MXD3: variants seen among roughly 807,000 people sequenced by gnomAD.
MXD3 encodes the protein MAX dimerization protein 3.
A neutral mutation model predicts 27.5 loss-of-function variants in MXD3; 20 were observed. The observed-to-expected ratio is 0.73, with a 90% CI of 0.51 to 1.06. The LOEUF (loss-of-function observed/expected upper bound fraction) is 1.06, where lower values mean the gene tolerates loss of function less well. Among genes scored for constraint, MXD3 ranks in the 50% least tolerant of loss-of-function variants. The probability of loss-of-function intolerance (pLI) is 0.00; values close to 1 mark genes in which losing one functional copy is unlikely to be tolerated. For synonymous variants in MXD3, 150 were observed against 130.7 expected (o/e 1.15, Z -1.01); for missense variants, 298 against 291.3 (o/e 1.02, Z -0.17).
Position 177,307,318 on chromosome 5 carries a change from G to A in MXD3, c.*270C>T, listed in dbSNP as rs754095706. On this transcript the variant is annotated 3_prime_UTR_variant, in exon 6 of 6. Coordinates refer to ENST00000439742, the MANE Select transcript of MXD3 (RefSeq NM_031300.4). ...CAAGAGGCTTCCTGTCCCCTTGGGG[G>A]CAGCAGAGCCAAATGCTTGGGCTCG... The A allele has an allele frequency of 3.6e-5, 56 of 1,544,746 alleles. No individual in the cohort carries two copies. Among genetic ancestry groups the A allele is most frequent in the African/African-American group, 1.1e-4 (8 of 72,786 alleles).
intron 3 of MXD3, 44 bp downstream of exon 3, chr5:177,310,624 T>TG: frequency 6.2e-7 from 1 of 1,613,990 alleles, no homozygotes; most frequent in East Asian, 2.2e-5. Context: ...CAGAGGGCAG[T>TG]GGCCCCTGGG....
In MXD3 at chr5:177,307,495, C is replaced by T; in HGVS notation, c.*93G>A. 6.4e-7 allele frequency: 1 copy of T among 1,550,506 alleles called. No individual in the cohort carries two copies. The highest frequency in any genetic ancestry group is 8.7e-7 in the Non-Finnish European group (1 of 1,150,522). Reference sequence around the variant, plus strand: ...CCTTTTAGTCCATTCCAACAGGTGACTCCGAGCAGCCCTGAAGGCTTGGGG... The same window carrying T: ...CCTTTTAGTCCATTCCAACAGGTGATTCCGAGCAGCCCTGAAGGCTTGGGG... On this transcript the variant is annotated 3_prime_UTR_variant, in exon 6 of 6. Coordinates refer to ENST00000439742, the MANE Select transcript of MXD3 (RefSeq NM_031300.4).
chr5:177,306,534 C>T, downstream of MXD3: 1 of 1,611,998 alleles, frequency 6.2e-7, no homozygotes, highest in Non-Finnish European at 8.5e-7. Flanking sequence ...GCAAGGCGGC[C>T]ACCAAGAAGC....
chr5:177,312,443 G>T (rs1284953960), upstream of MXD3: 1 of 985,450 alleles, frequency 1.0e-6, no homozygotes, highest in Non-Finnish European at 1.2e-6. Context: ...ACGTTCGGGC[G>T]GGAAAAGAAG....
downstream of MXD3, chr5:177,305,978 T>C (rs768275344): frequency 6.2e-7 from 1 of 1,613,856 alleles, no homozygotes. Flanking sequence ...TCTCCAGAGC[T>C]GTCCAGGTGA....
Position 177,307,257 on chromosome 5 carries a change from A to G in MXD3, c.*331T>C. The G allele has an allele frequency of 6.4e-7, 1 of 1,551,700 alleles. No homozygotes were observed. Among genetic ancestry groups the G allele is most frequent in the South Asian group, 1.2e-5 (1 of 84,058 alleles). ...AAATACTGTACAGTTTATGTGAGGC[A>G]AAGGCAGGGGGCCTTGTCCAGGAAG... On this transcript the variant is annotated 3_prime_UTR_variant, in exon 6 of 6. Coordinates refer to ENST00000439742, the MANE Select transcript of MXD3 (RefSeq NM_031300.4).
At chr5:177,308,343 G>C (rs1441985462) in intron 4 of MXD3, among the ~76,000 whole-genome samples, 2 of 152,136 alleles carry the variant, frequency 1.3e-5, no homozygotes, top group Admixed American at 1.3e-4. Flanking sequence ...AAACAGGCCC[G>C]GTGTTACCAG....
chr5:177,311,097 G>A (rs1303298931), intron 2 of MXD3: 4 of 541,572 alleles, frequency 7.4e-6, no homozygotes, highest in South Asian at 2.6e-5. Context: ...AGCGGGGGAG[G>A]TGAGTGGCCT....
At chr5:177,311,659 A>G (rs1240791433) in intron 1 of MXD3, 102 bp downstream of exon 1, 5 of 1,274,266 alleles carry the variant, frequency 3.9e-6, no homozygotes, top group Non-Finnish European at 5.4e-6. Flanking sequence ...CCCCGGGATT[A>G]CTGTCCTAGG....
chr5:177,311,715 G>A (rs756440339), intron 1 of MXD3, 46 bp downstream of exon 1: 1 of 1,587,882 alleles, frequency 6.3e-7, no homozygotes, highest in East Asian at 2.3e-5. Context: ...CCAGGCCCGT[G>A]TCAGCGAGGT....
chr5:177,307,256 C>T lies in MXD3; in HGVS notation c.*332G>A, dbSNP rs1454019790. On this transcript the variant is annotated 3_prime_UTR_variant, in exon 6 of 6. Coordinates refer to ENST00000439742, the MANE Select transcript of MXD3 (RefSeq NM_031300.4). The stretch of plus-strand genomic sequence containing the variant: ...AAAATACTGTACAGTTTATGTGAGG[C>T]AAAGGCAGGGGGCCTTGTCCAGGAA... 5 of 1,551,656 alleles carry T rather than the reference C, an allele frequency of 3.2e-6. No individual in the cohort carries two copies. The highest frequency in any genetic ancestry group is 4.4e-6 in the Non-Finnish European group (5 of 1,146,960).
rs1158632284 is a variant in MXD3 at position 177,310,698 on chromosome 5, C to T, written c.177-1G>A. 1 of 1,614,210 alleles carries T rather than the reference C, an allele frequency of 6.2e-7. No homozygotes were observed. The highest frequency in any genetic ancestry group is 8.5e-7 in the Non-Finnish European group (1 of 1,180,018). On this transcript the variant is annotated splice_acceptor_variant, in intron 2 of 5. Coordinates refer to ENST00000439742, the MANE Select transcript of MXD3 (RefSeq NM_031300.4). LOFTEE classifies it high-confidence loss of function. ...CTTCTCCAGTTCATTGTGCACTGAC[C>T]TGCCAATGCCAGAGAGGATGAGGTG...
downstream of MXD3, chr5:177,305,628 T>G: frequency 3.9e-6 from 2 of 513,142 alleles, no homozygotes; most frequent in East Asian, 3.5e-5. Context: ...GGAAGGCCCT[T>G]TGTTGATCTC....
chr5:177,307,552 G>A lies in MXD3; in HGVS notation c.*36C>T, dbSNP rs778656609. 43 of 1,605,116 alleles carry A rather than the reference G, an allele frequency of 2.7e-5. No individual in the cohort carries two copies. The highest frequency in any genetic ancestry group is 1.1e-4 in the East Asian group (5 of 44,528). The stretch of plus-strand genomic sequence containing the variant: ...CCTGCCTGGCAAGTGGGCCTGGCAC[G>A]AGTAGAGGGCAGAGGCCCGCCCTGG... On this transcript the variant is annotated 3_prime_UTR_variant, in exon 6 of 6. Transcript: ENST00000439742.
rs776724387 is a variant in MXD3, at chr5:177,307,437, G to A, written c.*151C>T. 1 of 1,512,282 alleles carries A rather than the reference G, an allele frequency of 6.6e-7. No homozygotes were observed. The highest frequency in any genetic ancestry group is 1.2e-5 in the South Asian group (1 of 83,504). The allele number at this position is 1,512,282 out of a possible 1,614,324, so 93.7% of individuals were successfully genotyped here. A position where few individuals can be genotyped will look rare whatever the true frequency, so the allele number is the denominator to read the frequency against. ...GGCCTGCCTGGCAGCCAGCAGCAGG[G>A]TGTTTGGGGAGCACCTGTTCCCACA... On this transcript the variant is annotated 3_prime_UTR_variant, in exon 6 of 6. Coordinates refer to ENST00000439742, the MANE Select transcript of MXD3 (RefSeq NM_031300.4).
Position 177,307,363 on chromosome 5 carries a change from G to A in MXD3, c.*225C>T, listed in dbSNP as rs1341560599. The A allele has an allele frequency of 2.0e-5, 31 of 1,520,876 alleles. No homozygotes were observed. Among genetic ancestry groups the A allele is most frequent in the Non-Finnish European group, 2.4e-5 (27 of 1,122,750 alleles). The allele number at this position is 1,520,876 out of a possible 1,614,324, so 94.2% of individuals were successfully genotyped here. On this transcript the variant is annotated 3_prime_UTR_variant, in exon 6 of 6. Coordinates refer to ENST00000439742, the MANE Select transcript of MXD3 (RefSeq NM_031300.4). ...GGCTCGGGCCCAAGCTGCCTGCCCT[G>A]CAGGGGTCCAGGGAGGTCCTGATGA...
At chr5:177,306,695 G>T, downstream of MXD3, 1 of 1,388,168 alleles carries the variant, frequency 7.2e-7, no homozygotes, top group Non-Finnish European at 9.7e-7. Context: ...GGGTTGTGGG[G>T]ATGCAGTTTG....
downstream of MXD3, chr5:177,306,940 G>C (rs189829716): frequency 5.5e-6 from 5 of 907,468 alleles, no homozygotes; most frequent in African/African-American, 8.4e-5. Context: ...ATAAATACTT[G>C]TTGAATTCAG....
downstream of MXD3, chr5:177,305,693 G>A: frequency 1.6e-6 from 1 of 614,594 alleles, no homozygotes; most frequent in Non-Finnish European, 2.9e-6. Flanking sequence ...GTTTTCGAGA[G>A]CAAAACGACC....
Sources: allele counts gnomAD v4.1 joint callset (sites outside exome capture counted in the v4.1 genomes callset), GRCh38; gene constraint gnomAD v4.1.1; transcripts MANE v1.5; gene names NCBI Gene and HGNC (gene_info 2026-07-23, HGNC 2026-07-21).